ROBO1: variants seen among roughly 807,000 people sequenced by gnomAD.
The protein encoded by ROBO1 is roundabout guidance receptor 1.
Under a neutral mutation model 195.9 loss-of-function variants are expected in ROBO1, and 149 were observed. The ratio of observed to expected loss-of-function variants is 0.76; its 90% confidence interval spans 0.67 to 0.87. The LOEUF is 0.87. ROBO1 is among the 40% of genes least tolerant of loss of function. ROBO1 has a pLI of 0.00. For missense variants in ROBO1, 1,933 were observed against 2,068.3 expected, an observed-to-expected ratio of 0.93 and a Z score of 1.27; for synonymous variants, 816 against 733.2, an observed-to-expected ratio of 1.11 and a Z score of -1.82.
chr3:79,270,437 T>C (rs1227947072), intron 2 of ROBO1, among the ~76,000 whole-genome samples: 2 of 147,622 alleles, frequency 1.4e-5, no homozygotes, highest in Admixed American at 6.8e-5. Flanking sequence ...AAATGTCAAC[T>C]TAAAAAAAAA....
At chr3:79,021,460 T>G (rs544055962) in intron 3 of ROBO1, among the ~76,000 whole-genome samples, 1 of 152,232 alleles carries the variant, frequency 6.6e-6, no homozygotes, top group South Asian at 2.1e-4. Context: ...TTAAATATAA[T>G]GAAGAATATG....
chr3:78,617,663 T>G lies in ROBO1; in HGVS notation c.4254A>C (p.Val1418=), dbSNP rs372482068. Residue 1418 remains valine (V), a synonymous_variant, in exon 27 of 31, where the codon GTA becomes GTC. Transcript: ENST00000464233. ...AAAAEYAGLK[V]ARRQMQDAAG... ...CAGCATCCTGCATTTGCCGTCGTGC[T>G]ACTTTCAGACCAGCATACTCTGCCG... 3.9e-5 allele frequency: 63 copies of G among 1,613,230 alleles called. No homozygotes were observed. The highest frequency in any genetic ancestry group is 5.3e-5 in the Non-Finnish European group (63 of 1,179,562).
At chr3:79,176,711 C>T (rs560276511) in intron 2 of ROBO1, among the ~76,000 whole-genome samples, 75 of 152,246 alleles carry the variant, frequency 4.9e-4, no homozygotes, top group African/African-American at 1.5e-3. Context: ...GCCCCCAGCT[C>T]GGCCCCCCAA....
At chr3:79,681,367 C>T (rs1946942413) in intron 1 of ROBO1, among the ~76,000 whole-genome samples, 1 of 151,624 alleles carries the variant, frequency 6.6e-6, no homozygotes, top group Non-Finnish European at 1.5e-5. Flanking sequence ...AGATTTTGGC[C>T]CTAACTAGAA....
At chr3:79,389,348 C>T (rs1351179235) in intron 2 of ROBO1, among the ~76,000 whole-genome samples, 1 of 152,102 alleles carries the variant, frequency 6.6e-6, no homozygotes, top group East Asian at 1.9e-4. Flanking sequence ...AAATATTAAA[C>T]TTCACTTGGT....
At chr3:78,616,598 C>G (rs1704128009) in intron 27 of ROBO1, among the ~76,000 whole-genome samples, 1 of 152,078 alleles carries the variant, frequency 6.6e-6, no homozygotes, top group Non-Finnish European at 1.5e-5. Flanking sequence ...CCATGGAAGA[C>G]TACCAATGTG....
At chr3:79,515,497 A>G (rs1940906209) in intron 2 of ROBO1, among the ~76,000 whole-genome samples, 1 of 152,170 alleles carries the variant, frequency 6.6e-6, no homozygotes, top group Non-Finnish European at 1.5e-5. Flanking sequence ...GTGGCTGCTG[A>G]GCAGACGTTC....
At chr3:79,488,723 A>G (rs1939289348) in intron 2 of ROBO1, among the ~76,000 whole-genome samples, 1 of 152,354 alleles carries the variant, frequency 6.6e-6, no homozygotes, top group Admixed American at 6.5e-5. Flanking sequence ...TGTTATGGTT[A>G]TATGAGTCTA....
chr3:79,255,793 C>A (rs1371468227), intron 2 of ROBO1, among the ~76,000 whole-genome samples: 1 of 152,080 alleles, frequency 6.6e-6, no homozygotes, highest in Non-Finnish European at 1.5e-5. Context: ...CTTCTCATCT[C>A]CCCCTCCACC....
intron 4 of ROBO1, among the ~76,000 whole-genome samples, chr3:78,797,015 A>G (rs892376437): frequency 2.0e-5 from 3 of 152,076 alleles, no homozygotes; most frequent in Non-Finnish European, 2.9e-5. Context: ...CACCTCATGT[A>G]TTTCTTTTGC....
chr3:79,020,919 T>C (rs2078088097), intron 3 of ROBO1, among the ~76,000 whole-genome samples: 1 of 152,136 alleles, frequency 6.6e-6, no homozygotes, highest in Non-Finnish European at 1.5e-5. Context: ...CTTTTCTACA[T>C]AGTGTTGTGC....
chr3:79,077,690 A>C (rs939638402), intron 3 of ROBO1, among the ~76,000 whole-genome samples: 3 of 151,900 alleles, frequency 2.0e-5, no homozygotes, highest in African/African-American at 7.2e-5. Context: ...AGAAAAATAT[A>C]ATAAGTCATG....
At chr3:79,750,797 T>A (rs1178004795) in intron 1 of ROBO1, among the ~76,000 whole-genome samples, 2 of 152,226 alleles carry the variant, frequency 1.3e-5, no homozygotes, top group African/African-American at 4.8e-5. Context: ...CTAGGGTATG[T>A]CTTTATTAGC....
At position 78,970,520 on chromosome 3, in the gene ROBO1, T is replaced by C. The variant is rs1208021704; in HGVS notation, c.173-31593A>G. On this transcript the variant is annotated intron_variant, in intron 3 of 30. Transcript: ENST00000464233. ...TATTTACATGTTTTAGAAACTAAAATCATAATTGTTGTTTAACTATCACTT... is the reference window on the plus strand; with the variant it reads ...TATTTACATGTTTTAGAAACTAAAACCATAATTGTTGTTTAACTATCACTT... Among the ~76,000 whole-genome samples the C allele has an allele frequency of 1.3e-5, 2 of 152,158 alleles. 1 individual carries two copies. Among genetic ancestry groups the C allele is most frequent in the South Asian group, 4.1e-4 (2 of 4,834 alleles).
At chr3:79,567,412 A>G (rs1310926002) in intron 2 of ROBO1, among the ~76,000 whole-genome samples, 1 of 152,188 alleles carries the variant, frequency 6.6e-6, no homozygotes, top group Non-Finnish European at 1.5e-5. Flanking sequence ...AGAATAATAA[A>G]ATAAACAGTA....
At chr3:79,677,236 G>C (rs1203103415) in intron 1 of ROBO1, among the ~76,000 whole-genome samples, 2 of 152,018 alleles carry the variant, frequency 1.3e-5, no homozygotes, top group Non-Finnish European at 2.9e-5. Context: ...CTTGTAGACA[G>C]CCTCCTTGCT....
chr3:79,443,092 C>T (rs529197579), intron 2 of ROBO1, among the ~76,000 whole-genome samples: 1 of 152,280 alleles, frequency 6.6e-6, no homozygotes, highest in South Asian at 2.1e-4. Context: ...ATTTCCATCT[C>T]TGCACATATG....
At chr3:79,465,030 G>A (rs1937882452) in intron 2 of ROBO1, among the ~76,000 whole-genome samples, 2 of 152,144 alleles carry the variant, frequency 1.3e-5, no homozygotes, top group Admixed American at 6.5e-5. Flanking sequence ...AGTTTAGAAA[G>A]TAGAATTCTA....
chr3:78,973,646 C>T (rs1178551364), intron 3 of ROBO1, among the ~76,000 whole-genome samples: 5 of 148,410 alleles, frequency 3.4e-5, no homozygotes, highest in South Asian at 2.1e-4. Context: ...TTTGCAATCA[C>T]CACAGATTAC....
Sources: allele counts gnomAD v4.1 joint callset (sites outside exome capture counted in the v4.1 genomes callset), GRCh38; gene constraint gnomAD v4.1.1; transcripts MANE v1.5; gene names NCBI Gene and HGNC (gene_info 2026-07-23, HGNC 2026-07-21).